The following PSMD14 variants were observed in gnomAD, a reference collection of about 807,000 sequenced individuals.
PSMD14 encodes the protein proteasome 26S subunit, non-ATPase 14.
Under a neutral mutation model 41.2 loss-of-function variants are expected in PSMD14, and 7 were observed. The ratio of observed to expected loss-of-function variants is 0.17; its 90% CI spans 0.10 to 0.32. The LOEUF (loss-of-function observed/expected upper bound fraction) is 0.32. Ranked by LOEUF, PSMD14 falls within the 10% of genes least tolerant of loss-of-function variation. The pLI, the probability that PSMD14 is intolerant of heterozygous loss-of-function variation, is 1.00. For missense variants in PSMD14, 139 were observed against 375.6 expected (o/e 0.37, Z 5.21); for synonymous variants, 114 against 122.3 (o/e 0.93, Z 0.45).
At chr2:161,319,004 T>C (rs954244233) in intron 3 of PSMD14, 131 bp downstream of exon 3, 2 of 591,384 alleles carry the variant, frequency 3.4e-6, no homozygotes, top group African/African-American at 1.9e-5. Context: ...TCTTACCTTA[T>C]TGATGTTTGT....
intron 7 of PSMD14, chr2:161,384,577 G>A (rs879386671): frequency 2.0e-5 from 3 of 151,670 alleles, no homozygotes; most frequent in Admixed American, 6.6e-5. Flanking sequence ...CTTGCTGTAA[G>A]ATTGTTTCAT....
intron 7 of PSMD14, chr2:161,384,792 T>G (rs866984092): frequency 1.4e-4 from 22 of 152,000 alleles, no homozygotes; most frequent in Admixed American, 4.6e-4. Context: ...ATACTTATTG[T>G]AATATCTTTA....
chr2:161,389,889 G>GTTGTTTTTTTTTT lies in PSMD14; in HGVS notation c.571-1213_571-1212insGTTTTTTTTTTTT. Reference sequence around the variant, plus strand: ...TGTCTTATTTTCTTTCTTTTTTGTTGTTTTTTTTTTTTTTTTTTTTTTTAG... The same window carrying GTTGTTTTTTTTTT: ...TGTCTTATTTTCTTTCTTTTTTGTTGTTGTTTTTTTTTTTTTTTTTTTTTTTTTTTTTTTTTAG... On this transcript the variant is annotated intron_variant, in intron 8 of 11. Transcript: ENST00000409682. 7.6e-3 allele frequency among the ~76,000 whole-genome samples: 152 copies of GTTGTTTTTTTTTT among 20,052 alleles called. 44 individuals carry two copies. The highest frequency in any genetic ancestry group is 8.7e-3 in the Non-Finnish European group (85 of 9,774). The allele number at this position is 20,052 out of a possible 152,430, so 13.2% of individuals were successfully genotyped here. A position where few individuals can be genotyped will look rare whatever the true frequency, so the allele number is the denominator to read the frequency against.
intron 1 of PSMD14, among the ~76,000 whole-genome samples, chr2:161,312,395 C>T (rs982590947): frequency 1.3e-4 from 20 of 152,156 alleles, no homozygotes; most frequent in African/African-American, 2.7e-4. Context: ...CTGCCCCCCT[C>T]GGCCTCCCAG....
chr2:161,321,777 A>G (rs900593764), intron 3 of PSMD14, among the ~76,000 whole-genome samples: 1 of 152,192 alleles, frequency 6.6e-6, no homozygotes, highest in Admixed American at 6.5e-5. Flanking sequence ...AGTGAAATGA[A>G]GACACACAGG....
intron 10 of PSMD14, among the ~76,000 whole-genome samples, chr2:161,402,976 A>T (rs563193974): frequency 6.6e-6 from 1 of 152,358 alleles, no homozygotes; most frequent in African/African-American, 2.4e-5. Context: ...TGTGGAAAAC[A>T]GTTTGGTGGT....
intron 3 of PSMD14, among the ~76,000 whole-genome samples, chr2:161,338,268 G>T (rs1279241159): frequency 4.6e-5 from 7 of 151,492 alleles, no homozygotes; most frequent in Admixed American, 6.6e-5. Context: ...AACTGCGTTT[G>T]TGTGTGCACA....
chr2:161,341,045 C>T (rs1042127457), intron 3 of PSMD14: 3 of 1,597,670 alleles, frequency 1.9e-6, no homozygotes, highest in South Asian at 2.2e-5. Context: ...GATCCCCTGG[C>T]CCTTCGGGCT....
chr2:161,319,030 G>C, intron 3 of PSMD14, 157 bp downstream of exon 3: 1 of 474,266 alleles, frequency 2.1e-6, no homozygotes, highest in Non-Finnish European at 3.7e-6. Context: ...TGCAACACTA[G>C]ATAACATGTG....
intron 8 of PSMD14, among the ~76,000 whole-genome samples, chr2:161,388,942 C>T (rs978017238): frequency 2.4e-4 from 37 of 152,212 alleles, no homozygotes; most frequent in Admixed American, 6.5e-4. Context: ...GGGAGGAAGG[C>T]ACTGGGGGCA....
chr2:161,318,161 G>C (rs1175988755), intron 2 of PSMD14, among the ~76,000 whole-genome samples: 1 of 152,156 alleles, frequency 6.6e-6, no homozygotes, highest in East Asian at 1.9e-4. Flanking sequence ...AGTGAAAAAG[G>C]TGTATATATC....
In PSMD14 at chr2:161,392,667, C is replaced by A. The variant is rs1222814554; in HGVS notation, c.645+1489C>A. 2.6e-5 allele frequency among the ~76,000 whole-genome samples: 4 copies of A among 152,076 alleles called. No homozygotes were observed. The East Asian group carries it at 7.7e-4, about 29-fold the overall frequency. On this transcript the variant is annotated intron_variant, in intron 9 of 11. Coordinates refer to ENST00000409682, the MANE Select transcript of PSMD14 (RefSeq NM_005805.6). ...GTGATGAGTGAGGGGAGTGGGGGAC[C>A]ACTTCCCCCTTGGCGCAAGGGGATC...
At chr2:161,341,277 G>T in intron 3 of PSMD14, 1 of 1,017,328 alleles carries the variant, frequency 9.8e-7, no homozygotes. Flanking sequence ...AAGGGCCAGC[G>T]CGGTGGCCAG....
intron 7 of PSMD14, chr2:161,382,971 T>C (rs1683587282): frequency 6.6e-6 from 1 of 151,824 alleles, no homozygotes; most frequent in Non-Finnish European, 1.5e-5. Flanking sequence ...TGTCATTCTA[T>C]TGCATCATGC....
At chr2:161,372,550 G>A (rs4664421) in intron 7 of PSMD14, among the ~76,000 whole-genome samples, 138,819 of 152,042 alleles carry the variant, frequency 0.91, 63,422 homozygotes, top group East Asian at 1. Context: ...CACAAAAACA[G>A]TAATAGAAAC....
intron 1 of PSMD14, among the ~76,000 whole-genome samples, chr2:161,314,379 A>C (rs950248006): frequency 6.6e-6 from 1 of 152,210 alleles, no homozygotes; most frequent in African/African-American, 2.4e-5. Flanking sequence ...TTAAAAAATA[A>C]TCTATTAAGG....
intron 7 of PSMD14, among the ~76,000 whole-genome samples, chr2:161,375,769 C>T (rs1394948490): frequency 6.6e-6 from 1 of 151,886 alleles, no homozygotes; most frequent in Admixed American, 6.6e-5. Flanking sequence ...CATGTCTTCA[C>T]ATCTGTAATC....
At chr2:161,321,693 A>G (rs1454913084) in intron 3 of PSMD14, among the ~76,000 whole-genome samples, 1 of 152,214 alleles carries the variant, frequency 6.6e-6, no homozygotes, top group Non-Finnish European at 1.5e-5. Flanking sequence ...TCACTAGAAC[A>G]ACTGACAAAA....
intron 1 of PSMD14, among the ~76,000 whole-genome samples, chr2:161,311,546 A>G (rs914972887): frequency 1.3e-5 from 2 of 151,822 alleles, no homozygotes; most frequent in African/African-American, 2.4e-5. Flanking sequence ...CCTGGAACCA[A>G]TTCCCCACAG....
Sources: allele counts gnomAD v4.1 joint callset (sites outside exome capture counted in the v4.1 genomes callset), GRCh38; gene constraint gnomAD v4.1.1; transcripts MANE v1.5; gene names NCBI Gene and HGNC (gene_info 2026-07-23, HGNC 2026-07-21).